IL18R1: variants seen among roughly 807,000 people sequenced by gnomAD.
IL18R1 encodes interleukin 18 receptor 1.
A neutral mutation model predicts 48.5 loss-of-function variants in IL18R1; 40 were observed. The observed-to-expected ratio is 0.82, with a 90% CI of 0.64 to 1.07. IL18R1 has a LOEUF of 1.07. Ranked by LOEUF, IL18R1 falls within the 50% of genes least tolerant of loss-of-function variation. The pLI is 0.00. For missense variants in IL18R1, 596 were observed against 633.7 expected (o/e 0.94, Z 0.64); for synonymous variants, 232 against 225.9 (o/e 1.03, Z -0.24).
In IL18R1 at chr2:102,371,937, C is replaced by T. The variant is rs748030895; in HGVS notation, c.303-16C>T. 1.4e-6 allele frequency: 2 copies of T among 1,412,708 alleles called. No individual in the cohort carries two copies. Among genetic ancestry groups the T allele is most frequent in the East Asian group, 2.4e-5 (1 of 42,244 alleles). The allele number at this position is 1,412,708 out of a possible 1,614,324, so 87.5% of individuals were successfully genotyped here. The stretch of plus-strand genomic sequence containing the variant: ...TCTGTAGCATTATAAAATACCTTTA[C>T]ACTTTTATTCCATAGAAATTATACT... On this transcript the variant is annotated splice_polypyrimidine_tract_variant and intron_variant, in intron 3 of 10. Transcript: ENST00000233957.
Position 102,394,308 on chromosome 2 carries a change from T to G in IL18R1, c.1112-161T>G, listed in dbSNP as rs117780437. ...AGATGCTTAAAAACACATTGGCTAA[T>G]TGGTTGCTTGGTTAGCATGGGAGGT... On this transcript the variant is annotated intron_variant, in intron 9 of 10. Transcript: ENST00000233957. Among the ~76,000 whole-genome samples the G allele has an allele frequency of 4.5e-4, 68 of 152,288 alleles. 2 individuals are homozygous for G. In the East Asian group the frequency reaches 0.012, roughly 28 times the overall value.
At position 102,394,329 on chromosome 2, in the gene IL18R1, G is replaced by A. The variant is rs1680707239; in HGVS notation, c.1112-140G>A. ...CTAATTGGTTGCTTGGTTAGCATGG[G>A]AGGTTTAAATATAAACAACTTTATA... On this transcript the variant is annotated intron_variant, in intron 9 of 10. Transcript: ENST00000233957. 5.5e-6 allele frequency: 3 copies of A among 545,204 alleles called. No individual in the cohort carries two copies. The African/African-American group carries it at 5.7e-5, about 10-fold the overall frequency. The allele number at this position is 545,204 out of a possible 1,614,324, so 33.8% of individuals were successfully genotyped here. A position where few individuals can be genotyped will look rare whatever the true frequency, so the allele number is the denominator to read the frequency against.
chr2:102,378,412 G>C (rs1242562012), intron 5 of IL18R1, among the ~76,000 whole-genome samples: 1 of 152,194 alleles, frequency 6.6e-6, no homozygotes, highest in African/African-American at 2.4e-5. Flanking sequence ...GGGACAGTAA[G>C]AGTTCTGCTG....
At chr2:102,387,057 A>G in intron 8 of IL18R1, 57 bp downstream of exon 8, 2 of 1,537,268 alleles carry the variant, frequency 1.3e-6, no homozygotes, top group Non-Finnish European at 8.9e-7. Flanking sequence ...ACTGAGAGAC[A>G]TTTCAAAGAT....
chr2:102,357,795 AG>A (rs1341468620), intron 1 of IL18R1, among the ~76,000 whole-genome samples: 10 of 152,154 alleles, frequency 6.6e-5, no homozygotes, highest in Non-Finnish European at 1.5e-5. Flanking sequence ...TTGTGTGACA[AG>A]GACTATGAGG....
intron 8 of IL18R1, among the ~76,000 whole-genome samples, chr2:102,388,417 T>C (rs1680368094): frequency 6.6e-6 from 1 of 152,216 alleles, no homozygotes; most frequent in African/African-American, 2.4e-5. Context: ...TCTGTGTTCT[T>C]ACCTTCTGCA....
intron 1 of IL18R1, among the ~76,000 whole-genome samples, chr2:102,357,469 C>T (rs1471021862): frequency 4.1e-5 from 6 of 146,346 alleles, no homozygotes; most frequent in African/African-American, 1.0e-4. Flanking sequence ...CCAGCCTGGG[C>T]GACAGAGTGA....
intron 10 of IL18R1, among the ~76,000 whole-genome samples, chr2:102,394,903 G>A (rs1050517574): frequency 6.6e-6 from 1 of 152,194 alleles, no homozygotes; most frequent in Non-Finnish European, 1.5e-5. Flanking sequence ...CGGGCCCAGA[G>A]CTGGCGTTAT....
At chr2:102,377,466 C>T (rs1679656341) in intron 5 of IL18R1, among the ~76,000 whole-genome samples, 1 of 152,194 alleles carries the variant, frequency 6.6e-6, no homozygotes, top group Non-Finnish European at 1.5e-5. Context: ...AGGCACCCGC[C>T]ACCACTCCCG....
chr2:102,389,935 G>C (rs1680463713), intron 8 of IL18R1, 121 bp from the exon 9 acceptor site: 4 of 781,974 alleles, frequency 5.1e-6, no homozygotes, highest in Non-Finnish European at 8.3e-6. Context: ...GAATGTGTCA[G>C]CACGTGGGTT....
In IL18R1 at chr2:102,380,844, C is replaced by T. The variant is rs1004485577; in HGVS notation, c.626-776C>T. ...AAGCAGTGGGGCTACTAGCAGGGAACAGTCCTGGTCATGAGGAAAGTTACC... is the reference window on the plus strand; with the variant it reads ...AAGCAGTGGGGCTACTAGCAGGGAATAGTCCTGGTCATGAGGAAAGTTACC... On this transcript the variant is annotated intron_variant, in intron 5 of 10. Transcript: ENST00000233957. Among the ~76,000 whole-genome samples the T allele has an allele frequency of 4.6e-5, 7 of 152,202 alleles. No homozygotes were observed. The East Asian group carries it at 1.2e-3, about 25-fold the overall frequency.
rs1195703859 is a variant in IL18R1 at position 102,363,248 on chromosome 2, C to G, written c.58+530C>G. 5.3e-5 allele frequency among the ~76,000 whole-genome samples: 8 copies of G among 150,898 alleles called. No homozygotes were observed. In the East Asian group the frequency reaches 9.7e-4, roughly 18 times the overall value. On this transcript the variant is annotated intron_variant, in intron 2 of 10. Coordinates refer to ENST00000233957, the MANE Select transcript of IL18R1 (RefSeq NM_003855.5). ...TTCTGAGACTTCATTCTTTAGCGTT[C>G]CATGATTGAATAGCAAGGCATTCCT...
Position 102,362,677 on chromosome 2 carries a change from T to C in IL18R1, c.17T>C (p.Leu6Ser). 6.2e-7 allele frequency: 1 copy of C among 1,607,708 alleles called. No individual in the cohort carries two copies. The highest frequency in any genetic ancestry group is 1.7e-4 in the Middle Eastern group (1 of 6,040). MNCRE[L>S]PLTLWVLISV... ...ATCCAAACCATGAATTGTAGAGAAT[T>C]ACCCTTGACCCTTTGGGTGCTTATA... is the stretch of plus-strand genomic sequence containing the variant. Residue 6 changes from leucine to serine, a missense_variant, in exon 2 of 11, where the codon TTA (leucine) becomes TCA (serine). Physicochemically the swap from Leu to Ser is moderately radical, Grantham distance 145. Transcript: ENST00000233957.
At chr2:102,380,374 A>G (rs1376852211) in intron 5 of IL18R1, among the ~76,000 whole-genome samples, 1 of 152,146 alleles carries the variant, frequency 6.6e-6, no homozygotes, top group Non-Finnish European at 1.5e-5. Flanking sequence ...GAAAAAATGG[A>G]TCCAGAGAAA....
intron 2 of IL18R1, among the ~76,000 whole-genome samples, chr2:102,363,462 T>G (rs1678705054): frequency 6.6e-6 from 1 of 152,188 alleles, no homozygotes; most frequent in African/African-American, 2.4e-5. Flanking sequence ...GTGAATCCAT[T>G]TATTATTGAG....
intron 4 of IL18R1, chr2:102,374,061 T>C: frequency 3.4e-6 from 1 of 292,488 alleles, no homozygotes; most frequent in South Asian, 3.0e-5. Flanking sequence ...GCACAATAAA[T>C]GTAATGCGCC....
rs397872910 is a variant in IL18R1, at chr2:102,356,207, C to CTT, written c.-208_-207dup. ...GTTCCTACTTTTTTTCCTTCTTCTT[C>CTT]TTTTTTTTTTTTTTTGTAGCCCTCT... On this transcript the variant is annotated 5_prime_UTR_variant, in exon 1 of 11. Transcript: ENST00000233957. 0.025 allele frequency: 4,504 copies of CTT among 177,724 alleles called. 124 individuals are homozygous for CTT. The highest frequency in any genetic ancestry group is 0.073 in the African/African-American group (2,866 of 39,292). The allele number at this position is 177,724 out of a possible 1,614,324, so 11.0% of individuals were successfully genotyped here. A position where few individuals can be genotyped will look rare whatever the true frequency, so the allele number is the denominator to read the frequency against.
At chr2:102,380,458 T>C (rs977887813) in intron 5 of IL18R1, among the ~76,000 whole-genome samples, 1 of 152,196 alleles carries the variant, frequency 6.6e-6, no homozygotes, top group African/African-American at 2.4e-5. Flanking sequence ...AAGCCGGTGT[T>C]GCTTCTTACT....
At chr2:102,362,957 CT>C (rs1336884575) in intron 2 of IL18R1, 1 of 315,868 alleles carries the variant, frequency 3.2e-6, no homozygotes, top group African/African-American at 2.2e-5. Flanking sequence ...TGGCAGCCAT[CT>C]TTATTATTGG....
Sources: allele counts gnomAD v4.1 joint callset (sites outside exome capture counted in the v4.1 genomes callset), GRCh38; gene constraint gnomAD v4.1.1; transcripts MANE v1.5; gene names NCBI Gene and HGNC (gene_info 2026-07-23, HGNC 2026-07-21).